The following LARS2 variants were observed in gnomAD, a reference collection of about 807,000 sequenced individuals.
LARS2 encodes leucyl-tRNA synthetase 2, mitochondrial, also known as leucine--tRNA ligase, mitochondrial.
Under a neutral mutation model 116.6 loss-of-function variants are expected in LARS2, and 81 were observed. The ratio of observed to expected loss-of-function variants is 0.69; its 90% confidence interval spans 0.58 to 0.84. The LOEUF (loss-of-function observed/expected upper bound fraction) is 0.84. LARS2 is among the 40% of genes least tolerant of loss of function. LARS2 has a pLI of 0.00. For missense variants in LARS2, 968 were observed against 1,114.5 expected (o/e 0.87, Z 1.87); for synonymous variants, 396 against 407.2 (o/e 0.97, Z 0.33).
chr3:45,409,122 A>G (rs1241882500), intron 4 of LARS2, among the ~76,000 whole-genome samples: 1 of 152,238 alleles, frequency 6.6e-6, no homozygotes, highest in African/African-American at 2.4e-5. Flanking sequence ...ATTCATGTCC[A>G]AGAAGTTAAC....
intron 19 of LARS2, among the ~76,000 whole-genome samples, chr3:45,523,597 G>A (rs1312649336): frequency 2.6e-5 from 4 of 151,582 alleles, no homozygotes; most frequent in Admixed American, 1.3e-4. Flanking sequence ...TGCAGTCATA[G>A]CTCACTGCAG....
chr3:45,494,206 G>T (rs908447624), intron 13 of LARS2, among the ~76,000 whole-genome samples: 1 of 152,132 alleles, frequency 6.6e-6, no homozygotes, highest in Admixed American at 6.5e-5. Flanking sequence ...CAGATCTAGG[G>T]CGCCCATGCT....
intron 6 of LARS2, among the ~76,000 whole-genome samples, chr3:45,439,591 A>C (rs1293371934): frequency 1.3e-5 from 2 of 150,846 alleles, no homozygotes; most frequent in Non-Finnish European, 2.9e-5. Context: ...ATCTGTTGCC[A>C]CGAAGGTGGG....
At chr3:45,521,770 G>T (rs1700458558) in intron 19 of LARS2, among the ~76,000 whole-genome samples, 1 of 150,956 alleles carries the variant, frequency 6.6e-6, no homozygotes, top group Non-Finnish European at 1.5e-5. Context: ...TTTTGTTTTT[G>T]TTTTTTTTTA....
intron 6 of LARS2, among the ~76,000 whole-genome samples, chr3:45,443,406 G>A (rs1026069133): frequency 2.6e-5 from 4 of 152,224 alleles, no homozygotes; most frequent in Non-Finnish European, 4.4e-5. Context: ...AATCAGGGAA[G>A]GTTCCAGAGG....
Position 45,458,786 on chromosome 3 carries a change from A to G in LARS2, c.650A>G (p.Asn217Ser). ...CCAGTGGATCAAACAGTGCTTGCCA[A>G]TGAGCAGGTGGATGAACATGGCTGT... ...WDPVDQTVLA[N>S]EQVDEHGCSW... Residue 217 changes from asparagine to serine, a missense_variant, in exon 8 of 22, where the codon AAT becomes AGT. Physicochemically the swap from Asn to Ser is conservative, Grantham distance 46. Transcript: ENST00000645846. 6 of 1,614,178 alleles carry G rather than the reference A, an allele frequency of 3.7e-6. No individual in the cohort carries two copies. The highest frequency in any genetic ancestry group is 1.7e-5 in the Admixed American group (1 of 60,026).
intron 6 of LARS2, among the ~76,000 whole-genome samples, chr3:45,425,253 A>G (rs1251137299): frequency 6.6e-6 from 1 of 151,992 alleles, no homozygotes; most frequent in Non-Finnish European, 1.5e-5. Flanking sequence ...TCTGTTTTGG[A>G]ATCTTTTCTT....
At chr3:45,482,291 G>A (rs1376107723) in intron 10 of LARS2, among the ~76,000 whole-genome samples, 1 of 152,010 alleles carries the variant, frequency 6.6e-6, no homozygotes, top group Non-Finnish European at 1.5e-5. Context: ...TCATGTTTGG[G>A]GCTATTATGG....
chr3:45,451,066 G>A (rs1438471334), intron 7 of LARS2, among the ~76,000 whole-genome samples: 1 of 151,728 alleles, frequency 6.6e-6, no homozygotes, highest in African/African-American at 2.4e-5. Context: ...TTTTGCTATT[G>A]AGTTGTTTGG....
intron 15 of LARS2, among the ~76,000 whole-genome samples, chr3:45,511,406 G>A (rs2086623): frequency 0.8 from 121,557 of 152,070 alleles, 52,773 homozygotes; most frequent in East Asian, 0.98. Flanking sequence ...AGGCTATAGG[G>A]GCCCATAGTG....
intron 10 of LARS2, among the ~76,000 whole-genome samples, chr3:45,479,364 T>C (rs1699662026): frequency 6.6e-6 from 1 of 151,750 alleles, no homozygotes; most frequent in African/African-American, 2.4e-5. Flanking sequence ...GATGCTAGAG[T>C]GGCAGGCTGG....
At position 45,441,977 on chromosome 3, in the gene LARS2, T is replaced by G. The variant is rs9311370; in HGVS notation, c.517-4914T>G. 2.8e-3 allele frequency among the ~76,000 whole-genome samples: 433 copies of G among 152,252 alleles called. 6 individuals are homozygous for G. Among genetic ancestry groups the G allele is most frequent in the African/African-American group, 9.8e-3 (409 of 41,548 alleles). ...TAGTTGGAATCCCAGATTCGTAAAT[T>G]TGGTCTCTTGGCAGCTAGATTGCAC... On this transcript the variant is annotated intron_variant, in intron 6 of 21. Transcript: ENST00000645846.
At chr3:45,539,229 A>C (rs1700754295) in intron 20 of LARS2, among the ~76,000 whole-genome samples, 1 of 152,232 alleles carries the variant, frequency 6.6e-6, no homozygotes, top group South Asian at 2.1e-4. Context: ...AGAACCTAAA[A>C]GAAAAATCTT....
chr3:45,497,703 TG>T (rs1479937147), intron 14 of LARS2, among the ~76,000 whole-genome samples: 1 of 152,056 alleles, frequency 6.6e-6, no homozygotes, highest in Admixed American at 6.6e-5. Context: ...GGTCAGGAGT[TG>T]GAGACCAGCC....
rs777025906 is a variant in LARS2, at chr3:45,516,203, T to C, written c.1971T>C (p.Tyr657=). 10 of 1,614,188 alleles carry C rather than the reference T, an allele frequency of 6.2e-6. No homozygotes were observed. Among genetic ancestry groups the C allele is most frequent in the Non-Finnish European group, 8.5e-6 (10 of 1,180,016 alleles). ...ACCCAGAGGAAGTTGTGGAGCAGTA[T>C]GGGATCGACACGATTCGGCTCTACA... ...GVDPEEVVEQ[Y]GIDTIRLYIL... The change falls in exon 17 of 22, where the codon TAT becomes TAC. Residue 657 remains tyrosine (Y), a synonymous_variant. Coordinates refer to ENST00000645846, the MANE Select transcript of LARS2 (RefSeq NM_015340.4).
intron 6 of LARS2, among the ~76,000 whole-genome samples, chr3:45,431,833 A>T (rs1262024544): frequency 5.3e-5 from 8 of 152,206 alleles, no homozygotes; most frequent in Non-Finnish European, 1.2e-4. Flanking sequence ...TTACTTTAAA[A>T]ATAAATGGCT....
At chr3:45,486,015 A>T (rs2276861) in intron 11 of LARS2, among the ~76,000 whole-genome samples, 12 of 67,190 alleles carry the variant, frequency 1.8e-4, no homozygotes, top group South Asian at 1.8e-3. Context: ...GCTACTGAGA[A>T]TAAGAAGTAT....
At chr3:45,480,782 AT>A (rs1240705252) in intron 10 of LARS2, among the ~76,000 whole-genome samples, 9 of 152,326 alleles carry the variant, frequency 5.9e-5, no homozygotes, top group Admixed American at 5.9e-4. Flanking sequence ...TCAAAGACCA[AT>A]TTTTGTCCTA....
chr3:45,452,964 T>A (rs1259506171), intron 7 of LARS2, among the ~76,000 whole-genome samples: 1 of 152,214 alleles, frequency 6.6e-6, no homozygotes, highest in African/African-American at 2.4e-5. Flanking sequence ...GTATAGTTGT[T>A]CATAATAGTC....
Sources: allele counts gnomAD v4.1 joint callset (sites outside exome capture counted in the v4.1 genomes callset), GRCh38; gene constraint gnomAD v4.1.1; transcripts MANE v1.5; gene names NCBI Gene and HGNC (gene_info 2026-07-23, HGNC 2026-07-21).